ABCC5: variants seen among roughly 807,000 people sequenced by gnomAD.
The protein encoded by ABCC5 is ATP binding cassette subfamily C member 5.
ABCC5 carries 61 observed loss-of-function variants against 160.9 expected under a neutral mutation model. The ratio of observed to expected loss-of-function variants is 0.38; its 90% CI spans 0.31 to 0.47. The LOEUF (loss-of-function observed/expected upper bound fraction) is 0.47, where lower values mean the gene tolerates loss of function less well. Ranked by LOEUF, ABCC5 falls within the 20% of genes least tolerant of loss-of-function variation. The probability of loss-of-function intolerance (pLI) is 0.99; values close to 1 mark genes in which losing one functional copy is unlikely to be tolerated. For synonymous variants in ABCC5, 666 were observed against 700.6 expected (o/e 0.95, Z 0.78); for missense variants, 1,308 against 1,813.3 (o/e 0.72, Z 5.06).
At chr3:183,993,483 CAAAAAAAAA>C (rs57885159) in intron 2 of ABCC5, among the ~76,000 whole-genome samples, 4 of 105,510 alleles carry the variant, frequency 3.8e-5, no homozygotes, top group East Asian at 4.8e-4. Flanking sequence ...GACCCTGTCT[CAAAAAAAAA>C]AAAAAAAAAA....
chr3:183,964,968 A>C (rs1486668324), intron 14 of ABCC5, among the ~76,000 whole-genome samples: 1 of 152,282 alleles, frequency 6.6e-6, no homozygotes, highest in Non-Finnish European at 1.5e-5. Context: ...GATTTTGTTT[A>C]CAATCCCCAA....
At chr3:184,007,904 TC>T (rs1721367886) in intron 2 of ABCC5, among the ~76,000 whole-genome samples, 1 of 152,200 alleles carries the variant, frequency 6.6e-6, no homozygotes, top group Non-Finnish European at 1.5e-5. Flanking sequence ...AGCTAAGACT[TC>T]ACACATTTGA....
intron 26 of ABCC5, among the ~76,000 whole-genome samples, chr3:183,931,716 A>G (rs1163037946): frequency 6.6e-6 from 1 of 152,190 alleles, no homozygotes; most frequent in Non-Finnish European, 1.5e-5. Context: ...CCAGATAGAA[A>G]ATGAATATTT....
chr3:183,961,648 C>G lies in ABCC5; in HGVS notation c.2242G>C (p.Val748Leu). ...ATGAAGATCACTTCATCACAGTCAA[C>G]CAGGTACTGAAGGCAAAGGCAGAGA... The part of the protein sequence containing the change: ...LFVTHQLQYL[V>L]DCDEVIFMKE... The change falls in exon 16 of 30, where the codon GTT becomes CTT. Residue 748 changes from valine (V) to leucine (L), a missense_variant. Transcript: ENST00000334444. 1 of 1,614,196 alleles carries G rather than the reference C, an allele frequency of 6.2e-7. No individual in the cohort carries two copies. The highest frequency in any genetic ancestry group is 1.7e-5 in the Admixed American group (1 of 60,028).
intron 25 of ABCC5, among the ~76,000 whole-genome samples, chr3:183,939,488 A>G (rs1444963223): frequency 6.6e-6 from 1 of 152,204 alleles, no homozygotes; most frequent in Non-Finnish European, 1.5e-5. Flanking sequence ...TTTTAAAAAA[A>G]TTTTCAAGAT....
Position 183,963,531 on chromosome 3 carries a change from G to C in ABCC5, c.2089C>G (p.Arg697Gly). The C allele has an allele frequency of 6.2e-7, 1 of 1,614,202 alleles. No homozygotes were observed. Residue 697 changes from arginine to glycine, a missense_variant, in exon 15 of 30, where the codon CGG (arginine) becomes GGG (glycine). Physicochemically the swap from Arg to Gly is moderately radical, Grantham distance 125. Around this residue, in one of 3 missense-constraint regions of ABCC5, gnomAD observed 1,142 missense variants for 1,527.1 expected, o/e 0.75. Coordinates refer to ENST00000334444, the MANE Select transcript of ABCC5 (RefSeq NM_005688.4). This position sits in a 1 kb window ranked among gnomAD's most constrained non-coding sequence, Gnocchi z 4.6. ...ATGCTCCTGTCACTATACAAGGCCC[G>C]GGCAAGGCTGATCCTCTGGCGCTGC... ...GGQRQRISLA[R>G]ALYSDRSIYI...
chr3:183,961,171 A>C (rs1171993898), intron 16 of ABCC5, among the ~76,000 whole-genome samples: 1 of 152,186 alleles, frequency 6.6e-6, no homozygotes, highest in African/African-American at 2.4e-5. Flanking sequence ...GAGCTTCATA[A>C]TGCTTCAATC....
At chr3:183,956,519 C>T (rs1413643527) in intron 17 of ABCC5, among the ~76,000 whole-genome samples, 5 of 137,530 alleles carry the variant, frequency 3.6e-5, no homozygotes, top group African/African-American at 8.0e-5. Context: ...TATATCACAT[C>T]GGTTACATGC....
chr3:183,967,623 A>G, intron 12 of ABCC5, 72 bp downstream of exon 12: 1 of 1,346,480 alleles, frequency 7.4e-7, no homozygotes, highest in South Asian at 1.2e-5. Context: ...TCTCCAGGAA[A>G]TTTGTTCGTT....
At chr3:183,978,310 T>C (rs1718397846) in intron 9 of ABCC5, among the ~76,000 whole-genome samples, 193 bp downstream of exon 9, 1 of 94,336 alleles carries the variant, frequency 1.1e-5, no homozygotes, top group Non-Finnish European at 2.1e-5. Context: ...TCTCCATATG[T>C]GGTATTTTTT....
At chr3:183,950,814 C>A (rs1382903409) in intron 20 of ABCC5, among the ~76,000 whole-genome samples, 1 of 152,202 alleles carries the variant, frequency 6.6e-6, no homozygotes, top group Non-Finnish European at 1.5e-5. Flanking sequence ...AAACAAACCC[C>A]TTCCATGAAG....
chr3:183,996,463 C>T (rs1720294491), intron 2 of ABCC5, among the ~76,000 whole-genome samples: 1 of 152,068 alleles, frequency 6.6e-6, no homozygotes, highest in Admixed American at 6.6e-5. Flanking sequence ...GTTCTTTTTA[C>T]TATATATAAC....
At chr3:184,007,026 T>G (rs1721273531) in intron 2 of ABCC5, among the ~76,000 whole-genome samples, 1 of 141,876 alleles carries the variant, frequency 7.0e-6, no homozygotes, top group South Asian at 2.3e-4. Flanking sequence ...CTTTTTTTTT[T>G]TTTTTTTTTT....
At chr3:183,993,103 C>T (rs535633844) in intron 2 of ABCC5, among the ~76,000 whole-genome samples, 2 of 152,272 alleles carry the variant, frequency 1.3e-5, no homozygotes, top group African/African-American at 4.8e-5. Flanking sequence ...ATAGTTTTCC[C>T]TTTCATCAAA....
intron 7 of ABCC5, 83 bp from the exon 8 acceptor site, chr3:183,981,957 A>C: frequency 6.8e-7 from 1 of 1,468,692 alleles, no homozygotes; most frequent in Non-Finnish European, 9.1e-7. Context: ...CATTCTCAAT[A>C]AAATGAGCAT....
chr3:183,960,678 C>A (rs1716635809), intron 16 of ABCC5, among the ~76,000 whole-genome samples: 2 of 152,170 alleles, frequency 1.3e-5, no homozygotes, highest in Admixed American at 1.3e-4. Flanking sequence ...CAGGCCCTAC[C>A]CCTGAGAACT....
At position 183,951,186 on chromosome 3, in the gene ABCC5, T is replaced by C. The variant is rs769334006; in HGVS notation, c.2944+255A>G. Among the ~76,000 whole-genome samples the C allele has an allele frequency of 3.9e-4, 60 of 152,350 alleles. No homozygotes were observed. Among genetic ancestry groups the C allele is most frequent in the African/African-American group, 1.4e-3 (58 of 41,580 alleles). ...TTGTAGGCATCCAGAAACCAATGCA[T>C]TGCTTTAAAATCTGTGTGTGTTTCA... is the stretch of plus-strand genomic sequence containing the variant. On this transcript the variant is annotated intron_variant, in intron 20 of 29. Coordinates refer to ENST00000334444, the MANE Select transcript of ABCC5 (RefSeq NM_005688.4). The surrounding 1 kb of genome is among the most constrained non-coding windows in gnomAD (Gnocchi z 4.7).
chr3:183,956,831 A>T (rs55881139), intron 17 of ABCC5, among the ~76,000 whole-genome samples: 14 of 26,494 alleles, frequency 5.3e-4, no homozygotes, highest in South Asian at 1.3e-3. Context: ...TCCGTGTGTA[A>T]ATCACATCGG....
intron 5 of ABCC5, chr3:183,983,988 T>G: frequency 1.0e-6 from 1 of 985,398 alleles, no homozygotes; most frequent in Non-Finnish European, 1.2e-6. Flanking sequence ...TCCAAAGTAG[T>G]ATATCAGGCT....
Sources: gnomAD v4.1 joint callset for allele counts (sites outside exome capture counted in the v4.1 genomes callset) on GRCh38, gnomAD v4.1.1 for gene constraint, gnomAD v4.1.1 regional missense constraint, Gnocchi (gnomAD v3.1) non-coding constraint, MANE v1.5 for transcripts, NCBI Gene and HGNC (gene_info 2026-07-23, HGNC 2026-07-21) for gene names.